Variants in KSR2 observed in about 807,000 individuals in gnomAD.
KSR2 encodes kinase suppressor of ras 2.
In KSR2, 25 loss-of-function variants were observed where a neutral mutation model predicts 107.8. That is an observed-to-expected ratio of 0.23 (90% CI 0.17 to 0.32). KSR2 has a LOEUF of 0.32. Among genes scored for constraint, KSR2 ranks in the 10% least tolerant of loss-of-function variants. The pLI, the probability that KSR2 is intolerant of heterozygous loss-of-function variation, is 1.00. For synonymous variants in KSR2, 480 were observed against 507.0 expected (o/e 0.95, Z 0.71); for missense variants, 887 against 1,268.9 (o/e 0.70, Z 4.57).
intron 1 of KSR2, among the ~76,000 whole-genome samples, chr12:117,909,913 A>C (rs11068735): frequency 6.6e-6 from 1 of 150,396 alleles, no homozygotes; most frequent in South Asian, 2.1e-4. Flanking sequence ...ATCTCAAAAA[A>C]AGAAAAAAAA....
chr12:117,548,753 T>A (rs1877070687), intron 9 of KSR2, among the ~76,000 whole-genome samples: 1 of 152,200 alleles, frequency 6.6e-6, no homozygotes, highest in South Asian at 2.1e-4. Flanking sequence ...GTTCATTTAA[T>A]CTTGGCAGCA....
At chr12:117,620,382 G>A (rs962116830) in intron 5 of KSR2, among the ~76,000 whole-genome samples, 8 of 152,128 alleles carry the variant, frequency 5.3e-5, no homozygotes, top group Admixed American at 2.0e-4. Context: ...ATTAGTTCCT[G>A]CTTCTATCTC....
At chr12:117,621,474 G>C (rs1882192321) in intron 5 of KSR2, among the ~76,000 whole-genome samples, 1 of 152,154 alleles carries the variant, frequency 6.6e-6, no homozygotes, top group Non-Finnish European at 1.5e-5. Flanking sequence ...TAACCTCTCT[G>C]TGCCTCAGTC....
chr12:117,884,449 AC>A (rs1894115025), intron 1 of KSR2, among the ~76,000 whole-genome samples: 2 of 152,318 alleles, frequency 1.3e-5, no homozygotes, highest in Non-Finnish European at 2.9e-5. Flanking sequence ...TCTCGCTAGA[AC>A]TGAACACAGT....
At chr12:117,641,314 C>T (rs1382340425) in intron 5 of KSR2, among the ~76,000 whole-genome samples, 1 of 152,188 alleles carries the variant, frequency 6.6e-6, no homozygotes, top group East Asian at 1.9e-4. Flanking sequence ...TCAGGCCGGT[C>T]TCGAATTCCT....
chr12:117,947,692 C>T lies in KSR2; in HGVS notation c.180+20384G>A, dbSNP rs114009894. Among the ~76,000 whole-genome samples, 1,137 of 152,094 alleles carry T rather than the reference C, an allele frequency of 7.5e-3. 18 individuals are homozygous for T. Among genetic ancestry groups the T allele is most frequent in the African/African-American group, 0.025 (1,037 of 41,490 alleles). ...GTGTGTTTATCAAGGTCACAGGATA[C>T]AAGGTCAACACAAAAATCAATTATA... On this transcript the variant is annotated intron_variant, in intron 1 of 19. Coordinates refer to ENST00000339824, the MANE Select transcript of KSR2 (RefSeq NM_173598.6).
chr12:117,608,441 A>G (rs1432299568), intron 5 of KSR2, among the ~76,000 whole-genome samples: 1 of 152,214 alleles, frequency 6.6e-6, no homozygotes, highest in Admixed American at 6.5e-5. Flanking sequence ...TAAAACAAGG[A>G]GATATCAGCT....
intron 4 of KSR2, among the ~76,000 whole-genome samples, chr12:117,698,001 T>C (rs1041830443): frequency 6.6e-6 from 1 of 151,910 alleles, no homozygotes; most frequent in African/African-American, 2.4e-5. Flanking sequence ...CACGTGAAGA[T>C]GAAGGCAGAG....
intron 1 of KSR2, among the ~76,000 whole-genome samples, chr12:117,931,662 A>C (rs1314520116): frequency 6.6e-6 from 1 of 152,230 alleles, no homozygotes; most frequent in African/African-American, 2.4e-5. Flanking sequence ...TGCTTTAGGA[A>C]TTCAGTCTGC....
At chr12:117,550,755 G>A (rs1877240788) in intron 9 of KSR2, among the ~76,000 whole-genome samples, 1 of 152,184 alleles carries the variant, frequency 6.6e-6, no homozygotes, top group Non-Finnish European at 1.5e-5. Flanking sequence ...GAGGAAACCA[G>A]CCAACAGTAA....
chr12:117,694,484 A>C lies in KSR2; in HGVS notation c.987-26826T>G, dbSNP rs546344435. 3.3e-5 allele frequency among the ~76,000 whole-genome samples: 5 copies of C among 152,220 alleles called. No homozygotes were observed. The East Asian group carries it at 5.8e-4, about 18-fold the overall frequency. ...TAAACCTCTTTTTCTTTATAAATTAACCAGTCTTGGGTATGTCTTTACTAG... is the reference window on the plus strand; with the variant it reads ...TAAACCTCTTTTTCTTTATAAATTACCCAGTCTTGGGTATGTCTTTACTAG... On this transcript the variant is annotated intron_variant, in intron 4 of 19. Coordinates refer to ENST00000339824, the MANE Select transcript of KSR2 (RefSeq NM_173598.6).
At chr12:117,476,378 T>TGTAGACA (rs1871781098) in intron 17 of KSR2, 86 bp downstream of exon 17, 12 of 1,459,522 alleles carry the variant, frequency 8.2e-6, no homozygotes, top group African/African-American at 1.4e-5. Context: ...AGGTACACCC[T>TGTAGACA]GGCCCTTCCA....
In KSR2 at chr12:117,717,569, G is replaced by C. The variant is rs577710488; in HGVS notation, c.986+43442C>G. Among the ~76,000 whole-genome samples the C allele has an allele frequency of 9.2e-5, 14 of 152,152 alleles. 1 individual carries two copies. In the South Asian group the frequency reaches 2.3e-3, roughly 25 times the overall value. ...AAGAGGGCCCTATATGATTTAGGCT[G>C]ACTGGGAGTTGAAGTTTTCATTATT... On this transcript the variant is annotated intron_variant, in intron 4 of 19. Coordinates refer to ENST00000339824, the MANE Select transcript of KSR2 (RefSeq NM_173598.6).
intron 5 of KSR2, among the ~76,000 whole-genome samples, chr12:117,635,459 G>C (rs1340117742): frequency 6.6e-6 from 1 of 152,098 alleles, no homozygotes; most frequent in Admixed American, 6.6e-5. Context: ...AAATAACAAA[G>C]ATTGCCAGTC....
Position 117,533,017 on chromosome 12 carries a change from A to T in KSR2, c.1688-1310T>A, listed in dbSNP as rs576665557. 5.3e-4 allele frequency among the ~76,000 whole-genome samples: 80 copies of T among 152,332 alleles called. 1 individual carries two copies. Among genetic ancestry groups the T allele is most frequent in the African/African-American group, 1.6e-3 (65 of 41,578 alleles). On this transcript the variant is annotated intron_variant, in intron 10 of 19. Coordinates refer to ENST00000339824, the MANE Select transcript of KSR2 (RefSeq NM_173598.6). ...TGCTCTGCCCTTGGCTATTTGTAGA[A>T]GCTCCAAGTCTCACTGTCCACACGT...
At chr12:117,555,952 A>AGCTGTT (rs1395030900) in intron 8 of KSR2, among the ~76,000 whole-genome samples, 1 of 144,376 alleles carries the variant, frequency 6.9e-6, no homozygotes, top group Non-Finnish European at 1.5e-5. Flanking sequence ...GTTACTTGTT[A>AGCTGTT]GCTGTTGTTG....
intron 1 of KSR2, among the ~76,000 whole-genome samples, chr12:117,910,896 G>T (rs1593361931): frequency 6.6e-6 from 1 of 152,180 alleles, no homozygotes; most frequent in East Asian, 1.9e-4. Context: ...AAAGACCACA[G>T]TTCGGTGCCT....
intron 16 of KSR2, among the ~76,000 whole-genome samples, chr12:117,480,151 T>C (rs1287358708): frequency 2.2e-5 from 3 of 136,504 alleles, no homozygotes; most frequent in Non-Finnish European, 3.1e-5. Flanking sequence ...CAGCCAACAT[T>C]CTCCTGCAAT....
chr12:117,960,010 C>A (rs144795605), intron 1 of KSR2, among the ~76,000 whole-genome samples: 1 of 151,950 alleles, frequency 6.6e-6, no homozygotes, highest in Non-Finnish European at 1.5e-5. Flanking sequence ...TCTCCCACTG[C>A]GTCCCTCTTC....
Sources: gnomAD v4.1 joint callset for allele counts (sites outside exome capture counted in the v4.1 genomes callset) on GRCh38, gnomAD v4.1.1 for gene constraint, MANE v1.5 for transcripts, NCBI Gene and HGNC (gene_info 2026-07-23, HGNC 2026-07-21) for gene names.